The following UPP2 variants were observed in gnomAD, a reference collection of about 807,000 sequenced individuals.
UPP2 encodes uridine phosphorylase 2, also known as UPase 2.
A neutral mutation model predicts 26.7 loss-of-function variants in UPP2; 23 were observed. The observed-to-expected ratio is 0.86, with a 90% CI of 0.62 to 1.22. The LOEUF is 1.22. Among genes scored for constraint, UPP2 ranks in the 50% most tolerant of loss-of-function variants. The probability of loss-of-function intolerance (pLI) is 0.00; values close to 1 mark genes in which losing one functional copy is unlikely to be tolerated. For synonymous variants in UPP2, 127 were observed against 141.3 expected (o/e 0.90, Z 0.72); for missense variants, 387 against 396.7 (o/e 0.98, Z 0.21).
Position 158,106,159 on chromosome 2 carries a change from T to C in UPP2, c.123T>C (p.Tyr41=). 6.2e-7 allele frequency: 1 copy of C among 1,610,902 alleles called. No homozygotes were observed. Among genetic ancestry groups the C allele is most frequent in the African/African-American group, 1.3e-5 (1 of 74,864 alleles). ...ATTTGATGGATGAAGACATTCTCTATCACTTGGATTTGGGAACAAAAACAC... is the reference window on the plus strand; with the variant it reads ...ATTTGATGGATGAAGACATTCTCTACCACTTGGATTTGGGAACAAAAACAC... ...YLDLMDEDIL[Y]HLDLGTKTHN... Residue 41 remains tyrosine (Y), a synonymous_variant, in exon 2 of 7, where the codon TAT becomes TAC. Coordinates refer to ENST00000005756, the MANE Select transcript of UPP2 (RefSeq NM_173355.4).
intron 3 of UPP2, among the ~76,000 whole-genome samples, chr2:158,052,157 A>T (rs1352997864): frequency 3.9e-5 from 6 of 152,218 alleles, no homozygotes; most frequent in African/African-American, 7.2e-5. Context: ...TGACAGTCAA[A>T]TTCAACTGGT....
In UPP2 at chr2:158,130,722, A is replaced by G. The variant is rs185623383; in HGVS notation, c.812-4026A>G. On this transcript the variant is annotated intron_variant, in intron 6 of 6. Coordinates refer to ENST00000005756, the MANE Select transcript of UPP2 (RefSeq NM_173355.4). Reference sequence around the variant, plus strand: ...TGTATATTTGTGGTAATGATGATTCAAAGATAGAGTTTAAAGTCTTTGAAG... The same window carrying G: ...TGTATATTTGTGGTAATGATGATTCGAAGATAGAGTTTAAAGTCTTTGAAG... Among the ~76,000 whole-genome samples the G allele has an allele frequency of 1.3e-4, 20 of 152,318 alleles. No homozygotes were observed. In the East Asian group the frequency reaches 3.9e-3, roughly 29 times the overall value.
At chr2:158,093,983 C>T (rs550616217) in intron 3 of UPP2, among the ~76,000 whole-genome samples, 33 of 149,608 alleles carry the variant, frequency 2.2e-4, no homozygotes, top group African/African-American at 6.8e-4. Context: ...TATATATATG[C>T]CATATATTAT....
intron 2 of UPP2, among the ~76,000 whole-genome samples, chr2:158,009,796 G>C (rs76389956): frequency 0.044 from 6,748 of 152,278 alleles, 504 homozygotes; most frequent in African/African-American, 0.15. Context: ...ATTCTCCTGC[G>C]GGCTGCCTTC....
At chr2:158,108,936 G>A (rs888072781) in intron 2 of UPP2, among the ~76,000 whole-genome samples, 19 of 147,968 alleles carry the variant, frequency 1.3e-4, no homozygotes, top group African/African-American at 4.8e-4. Flanking sequence ...GTGTGTGTTT[G>A]TAAATTGAGG....
intron 3 of UPP2, among the ~76,000 whole-genome samples, chr2:158,076,690 G>A (rs1328841849): frequency 6.6e-6 from 1 of 151,942 alleles, no homozygotes; most frequent in African/African-American, 2.4e-5. Flanking sequence ...AAAGCCATAT[G>A]TGAAAGACTC....
At chr2:158,129,608 T>C (rs1683767065) in intron 6 of UPP2, among the ~76,000 whole-genome samples, 1 of 151,184 alleles carries the variant, frequency 6.6e-6, no homozygotes, top group African/African-American at 2.5e-5. Context: ...AAAAAAGTAA[T>C]ATATTCATCT....
At chr2:158,012,263 C>CTTTTTT (rs34807293) in intron 2 of UPP2, among the ~76,000 whole-genome samples, 24 of 81,614 alleles carry the variant, frequency 2.9e-4, no homozygotes, top group South Asian at 5.8e-4. Context: ...TTGTTTCTAC[C>CTTTTTT]TTTTTTTTTT....
upstream of UPP2, among the ~76,000 whole-genome samples, chr2:158,098,370 G>T (rs773096373): frequency 2.6e-5 from 4 of 152,148 alleles, no homozygotes; most frequent in East Asian, 7.7e-4. Context: ...GAAAGGTTGT[G>T]ATTCTCTAGG....
rs3038697 is a variant in UPP2, at chr2:158,006,476, C to CAA, written c.62-9303_62-9302dup. ...TGGGTGAAAGAGCGAGACTCCGTCT[C>CAA]AAAAAAAAAAAAAAAAAAAAAAAGT... On this transcript the variant is annotated intron_variant, in intron 2 of 9. Coordinates refer to the UPP2 transcript ENST00000605860. Among the ~76,000 whole-genome samples the CAA allele has an allele frequency of 7.2e-3, 556 of 76,816 alleles. 3 individuals are homozygous for CAA. The highest frequency in any genetic ancestry group is 0.016 in the African/African-American group (284 of 18,098). 50.4% of individuals were successfully genotyped at this position (76,816 alleles called of 152,430 possible). A position where few individuals can be genotyped will look rare whatever the true frequency, so the allele number is the denominator to read the frequency against.
At chr2:158,121,347 C>G (rs1245976234) in intron 4 of UPP2, 62 bp from the exon 5 acceptor site, 1 of 1,431,208 alleles carries the variant, frequency 7.0e-7, no homozygotes, top group Non-Finnish European at 9.9e-7. Context: ...AAGTTACATA[C>G]TATGTGTCAA....
intron 3 of UPP2, among the ~76,000 whole-genome samples, chr2:158,096,197 G>A (rs555007903): frequency 8.5e-4 from 130 of 152,278 alleles, no homozygotes; most frequent in African/African-American, 3.0e-3. Flanking sequence ...AGTCAGGCTC[G>A]TGATAAGAAA....
At chr2:158,098,160 A>T (rs1347730798), upstream of UPP2, among the ~76,000 whole-genome samples, 6 of 152,176 alleles carry the variant, frequency 3.9e-5, no homozygotes, top group African/African-American at 1.4e-4. Flanking sequence ...ACAGAGAGAA[A>T]AAGTACAAAG....
intron 3 of UPP2, among the ~76,000 whole-genome samples, chr2:158,087,660 C>A (rs1682838456): frequency 6.6e-6 from 1 of 152,028 alleles, no homozygotes; most frequent in African/African-American, 2.4e-5. Flanking sequence ...TTTAGAGCTC[C>A]TTTTAGCAGC....
intron 3 of UPP2, among the ~76,000 whole-genome samples, chr2:158,069,244 T>C (rs960313883): frequency 2.0e-5 from 3 of 152,196 alleles, no homozygotes; most frequent in Non-Finnish European, 4.4e-5. Context: ...CTTGATTTAG[T>C]GCCCATGAGA....
intron 3 of UPP2, among the ~76,000 whole-genome samples, chr2:158,027,114 T>G (rs1683845493): frequency 6.6e-6 from 1 of 152,148 alleles, no homozygotes; most frequent in Admixed American, 6.5e-5. Flanking sequence ...CCAAATCTCA[T>G]GTCCTCACAT....
intron 2 of UPP2, among the ~76,000 whole-genome samples, chr2:158,009,391 T>C (rs568830818): frequency 5.7e-4 from 87 of 152,338 alleles, no homozygotes; most frequent in Non-Finnish European, 1.1e-3. Context: ...GTACAAGGAA[T>C]TTCAGAAAGA....
intron 2 of UPP2, 43 bp downstream of exon 2, chr2:158,106,259 C>G: frequency 6.4e-7 from 1 of 1,565,012 alleles, no homozygotes; most frequent in East Asian, 2.3e-5. Context: ...TGAGTTTTCT[C>G]TACTAATTTT....
chr2:158,095,820 T>G (rs532733634), intron 3 of UPP2, among the ~76,000 whole-genome samples: 36 of 152,308 alleles, frequency 2.4e-4, no homozygotes, highest in African/African-American at 7.2e-4. Flanking sequence ...TCCTTCAGAT[T>G]TCTATTCTGA....
Sources: allele counts gnomAD v4.1 joint callset (sites outside exome capture counted in the v4.1 genomes callset), GRCh38; gene constraint gnomAD v4.1.1; transcripts MANE v1.5; gene names NCBI Gene and HGNC (gene_info 2026-07-23, HGNC 2026-07-21).